The following PGBD5 variants were observed in gnomAD, a reference collection of about 807,000 sequenced individuals.
The protein encoded by PGBD5 is piggyBac transposable element derived 5.
In PGBD5, 14 loss-of-function variants were observed where a neutral mutation model predicts 47.9. That is an observed-to-expected ratio of 0.29 (90% CI 0.19 to 0.46). The LOEUF (loss-of-function observed/expected upper bound fraction) is 0.46, where lower values mean the gene tolerates loss of function less well. PGBD5 is among the 20% of genes least tolerant of loss of function. The probability of loss-of-function intolerance (pLI) is 1.00; values close to 1 mark genes in which losing one functional copy is unlikely to be tolerated. For synonymous variants in PGBD5, 316 were observed against 306.3 expected, an observed-to-expected ratio of 1.03 and a Z score of -0.33; for missense variants, 635 against 716.0, an observed-to-expected ratio of 0.89 and a Z score of 1.29.
chr1:230,381,079 A>T (rs989065203), intron 1 of PGBD5, among the ~76,000 whole-genome samples: 1 of 152,208 alleles, frequency 6.6e-6, no homozygotes, highest in African/African-American at 2.4e-5. Flanking sequence ...TGTCACACAC[A>T]CTTCTGCCCT....
Position 230,315,124 on chromosome 1 carries a change from C to G in PGBD5, c.*8301G>C, listed in dbSNP as rs10746515. 119,998 of 152,044 alleles carry G rather than the reference C, an allele frequency of 0.79. 48,400 individuals carry two copies. The highest frequency in any genetic ancestry group is 0.94 in the East Asian group (4,840 of 5,156). 9.4% of individuals were successfully genotyped at this position (152,044 alleles called of 1,614,324 possible). On this transcript the variant is annotated 3_prime_UTR_variant, in exon 7 of 7. Transcript: ENST00000391860. ...AGCTTCCTGGCTATTTTCAACTCTT[C>G]TTAGTGAAGACCAGCATTGCCAGCC...
At chr1:230,377,447 T>A in intron 1 of PGBD5, 1 of 1,582,452 alleles carries the variant, frequency 6.3e-7, no homozygotes, top group African/African-American at 1.3e-5. Flanking sequence ...AACACATGGA[T>A]GAAAAGATCT....
intron 1 of PGBD5, among the ~76,000 whole-genome samples, chr1:230,368,519 C>T (rs938995181): frequency 3.3e-5 from 5 of 152,238 alleles, no homozygotes; most frequent in African/African-American, 9.6e-5. Flanking sequence ...CAGTGTCTGG[C>T]CCCTGGGGCG....
chr1:230,385,089 T>C lies in PGBD5; in HGVS notation c.332-27768A>G, dbSNP rs1401567057. 5.3e-5 allele frequency among the ~76,000 whole-genome samples: 8 copies of C among 152,282 alleles called. No homozygotes were observed. The East Asian group carries it at 7.7e-4, about 15-fold the overall frequency. On this transcript the variant is annotated intron_variant, in intron 1 of 6. Transcript: ENST00000391860. ...CATGAAGAGGCGTGTATTTTTTTTTTCCCCCTCATATGATATATTCACACC... is the reference window on the plus strand; with the variant it reads ...CATGAAGAGGCGTGTATTTTTTTTTCCCCCCTCATATGATATATTCACACC...
At chr1:230,394,779 G>C (rs1358150991) in intron 1 of PGBD5, among the ~76,000 whole-genome samples, 8 of 67,280 alleles carry the variant, frequency 1.2e-4, no homozygotes, top group African/African-American at 1.7e-4. Flanking sequence ...AATCCCCAAG[G>C]TTCTCTCATT....
chr1:230,400,944 G>GCT (rs1159301033), intron 1 of PGBD5, among the ~76,000 whole-genome samples: 1 of 152,228 alleles, frequency 6.6e-6, no homozygotes, highest in African/African-American at 2.4e-5. Context: ...CGGACTCAGA[G>GCT]AACACATAAC....
intron 1 of PGBD5, among the ~76,000 whole-genome samples, chr1:230,370,715 C>T (rs958723213): frequency 1.3e-5 from 2 of 152,210 alleles, no homozygotes; most frequent in African/African-American, 4.8e-5. Flanking sequence ...AGTCTCTGCC[C>T]TTGACCACCA....
rs1276667693 is a variant in PGBD5, at chr1:230,314,738, T to G, written c.*8687A>C. 3 of 152,126 alleles carry G rather than the reference T, an allele frequency of 2.0e-5. No individual in the cohort carries two copies. The allele number at this position is 152,126 out of a possible 1,614,324, so 9.4% of individuals were successfully genotyped here. A position where few individuals can be genotyped will look rare whatever the true frequency, so the allele number is the denominator to read the frequency against. On this transcript the variant is annotated 3_prime_UTR_variant, in exon 7 of 7. Transcript: ENST00000391860. ...AATCTTCACAGAAGGGTATGCTTTG[T>G]GTCACCAAATGGGGGTGCAGCTGTG...
intron 1 of PGBD5, among the ~76,000 whole-genome samples, chr1:230,358,750 C>G (rs993062366): frequency 6.6e-6 from 1 of 152,198 alleles, no homozygotes; most frequent in Non-Finnish European, 1.5e-5. Flanking sequence ...GTACTGTATT[C>G]AGTACAGTCA....
intron 1 of PGBD5, among the ~76,000 whole-genome samples, chr1:230,394,395 G>A (rs12406944): frequency 0.3 from 45,108 of 149,660 alleles, 7,793 homozygotes; most frequent in South Asian, 0.42. Flanking sequence ...ACTGCTAATG[G>A]TGCTCCTCCC....
intron 4 of PGBD5, 24 bp from the exon 5 acceptor site, chr1:230,333,065 C>A: frequency 1.3e-6 from 2 of 1,568,786 alleles, no homozygotes; most frequent in South Asian, 1.2e-5. Flanking sequence ...GAGGAAGGAT[C>A]GCACACTCAC....
Position 230,357,771 on chromosome 1 carries a change from CA to C in PGBD5, c.332-451del, listed in dbSNP as rs1041952434. On this transcript the variant is annotated intron_variant, in intron 1 of 6. Transcript: ENST00000391860. The surrounding 1 kb of genome is among the most constrained non-coding windows in gnomAD (Gnocchi z 5.7). Reference sequence around the variant, plus strand: ...AAGCCGAGTCTTAACTAGAGATGTACACACACACATAAATGTATATGTTTAA... The same window carrying C: ...AAGCCGAGTCTTAACTAGAGATGTACCACACACATAAATGTATATGTTTAA... 1.5e-4 allele frequency among the ~76,000 whole-genome samples: 23 copies of C among 152,230 alleles called. No homozygotes were observed. The highest frequency in any genetic ancestry group is 3.4e-4 in the Non-Finnish European group (23 of 68,018).
chr1:230,386,318 TAAA>T (rs71846381), intron 1 of PGBD5, among the ~76,000 whole-genome samples: 1 of 145,522 alleles, frequency 6.9e-6, no homozygotes. Flanking sequence ...AACCCTATCT[TAAA>T]AAAAAAAAAA....
At chr1:230,337,006 T>A in intron 4 of PGBD5, 102 bp downstream of exon 4, 1 of 1,314,260 alleles carries the variant, frequency 7.6e-7, no homozygotes, top group Non-Finnish European at 1.1e-6. Flanking sequence ...CATCCTGTGG[T>A]TTGTGGTGGC....
intron 1 of PGBD5, among the ~76,000 whole-genome samples, chr1:230,382,100 C>G (rs1275431648): frequency 6.6e-6 from 1 of 151,808 alleles, no homozygotes; most frequent in African/African-American, 2.4e-5. Flanking sequence ...CTGCCCAATT[C>G]TTCCCTGTCA....
chr1:230,356,828 C>A, intron 2 of PGBD5, 66 bp downstream of exon 2: 1 of 1,535,470 alleles, frequency 6.5e-7, no homozygotes, highest in South Asian at 1.3e-5. Context: ...GCCCTGCCAA[C>A]AGACAAGGCT....
intron 1 of PGBD5, among the ~76,000 whole-genome samples, chr1:230,404,411 T>C (rs1657219153): frequency 6.6e-6 from 1 of 151,850 alleles, no homozygotes; most frequent in African/African-American, 2.4e-5. Context: ...GCCTAGGAGT[T>C]TGGGACCAGC....
chr1:230,354,901 T>C (rs1056934172), intron 2 of PGBD5, among the ~76,000 whole-genome samples: 5 of 151,696 alleles, frequency 3.3e-5, no homozygotes, highest in Non-Finnish European at 7.4e-5. Context: ...AAATACAAAG[T>C]AATGGAAGGA....
chr1:230,353,562 C>T (rs968564713), intron 2 of PGBD5, among the ~76,000 whole-genome samples: 2 of 152,044 alleles, frequency 1.3e-5, no homozygotes, highest in Admixed American at 6.6e-5. Context: ...CTGGAGGGTG[C>T]GAGTGAGCTG....
Sources: gnomAD v4.1 joint callset for allele counts (sites outside exome capture counted in the v4.1 genomes callset) on GRCh38, gnomAD v4.1.1 for gene constraint, Gnocchi (gnomAD v3.1) non-coding constraint, MANE v1.5 for transcripts, NCBI Gene and HGNC (gene_info 2026-07-23, HGNC 2026-07-21) for gene names.